Variants in ATXN7 observed in about 807,000 individuals in gnomAD.
ATXN7 encodes the protein ataxin-7.
In ATXN7, 12 loss-of-function variants were observed where a neutral mutation model predicts 70.5. The observed-to-expected ratio is 0.17, with a 90% CI of 0.11 to 0.28. ATXN7 has a LOEUF of 0.28. Among genes scored for constraint, ATXN7 ranks in the 10% least tolerant of loss-of-function variants. The pLI is 1.00. For synonymous variants in ATXN7, 498 were observed against 448.7 expected (o/e 1.11, Z -1.39); for missense variants, 1,256 against 1,131.7 (o/e 1.11, Z -1.58).
At chr3:63,924,270 T>G (rs1274022259) in intron 4 of ATXN7, among the ~76,000 whole-genome samples, 2 of 152,212 alleles carry the variant, frequency 1.3e-5, no homozygotes, top group Non-Finnish European at 2.9e-5. Flanking sequence ...GCTCTGATTT[T>G]GGCCACACTG....
chr3:63,922,582 T>C (rs1365265349), intron 4 of ATXN7, among the ~76,000 whole-genome samples: 2 of 152,156 alleles, frequency 1.3e-5, no homozygotes, highest in Non-Finnish European at 2.9e-5. Flanking sequence ...AGGTAAATTA[T>C]AGGCAATGTA....
chr3:63,960,439 G>T (rs2075109590), intron 5 of ATXN7, among the ~76,000 whole-genome samples: 1 of 152,182 alleles, frequency 6.6e-6, no homozygotes, highest in Non-Finnish European at 1.5e-5. Context: ...TTGCTGTATG[G>T]AACACGGGGC....
intron 4 of ATXN7, among the ~76,000 whole-genome samples, chr3:63,949,492 A>G (rs965535966): frequency 4.6e-5 from 7 of 152,040 alleles, no homozygotes; most frequent in African/African-American, 1.7e-4. Flanking sequence ...TCCACCTCCC[A>G]GGTTCAAGTG....
chr3:63,942,293 T>G (rs1575928884), intron 4 of ATXN7, among the ~76,000 whole-genome samples: 1 of 152,226 alleles, frequency 6.6e-6, no homozygotes, highest in South Asian at 2.1e-4. Flanking sequence ...CTCTGCTTAC[T>G]GACTTTGTGA....
intron 5 of ATXN7, among the ~76,000 whole-genome samples, chr3:63,979,676 T>G (rs1247470868): frequency 6.6e-6 from 1 of 152,156 alleles, no homozygotes; most frequent in East Asian, 1.9e-4. Flanking sequence ...TCCTGATGGG[T>G]GTATGTGATA....
rs115813956 is a variant in ATXN7 at position 63,929,108 on chromosome 3, A to C, written c.394+15883A>C. On this transcript the variant is annotated intron_variant, in intron 4 of 12. Transcript: ENST00000674280. ...TGGTTAGTTGAGACAGGTGAAAACA[A>C]TTCAGAAATTAAACATAAAAGGGAA... Among the ~76,000 whole-genome samples, 877 of 152,302 alleles carry C rather than the reference A, an allele frequency of 5.8e-3. 12 individuals carry two copies. The highest frequency in any genetic ancestry group is 0.019 in the African/African-American group (810 of 41,560).
chr3:63,914,871 G>T (rs760097422), intron 4 of ATXN7, among the ~76,000 whole-genome samples: 104 of 152,148 alleles, frequency 6.8e-4, no homozygotes, highest in Non-Finnish European at 8.8e-4. Context: ...GAACTAAGAC[G>T]TTAAACTACC....
chr3:63,878,104 A>T (rs758572162), intron 1 of ATXN7, among the ~76,000 whole-genome samples: 2 of 152,132 alleles, frequency 1.3e-5, no homozygotes, highest in Non-Finnish European at 2.9e-5. Flanking sequence ...GTAATAGGAG[A>T]TGGTTGGTTC....
rs1559629458 is a variant in ATXN7, at chr3:63,912,928, G to A, written c.325+5G>A. On this transcript the variant is annotated splice_donor_5th_base_variant and intron_variant, in intron 3 of 12. Coordinates refer to ENST00000674280, the MANE Select transcript of ATXN7 (RefSeq NM_001377405.1). ...CCAAACTTCCTGGGAAGGACGGTGA[G>A]TGTCCACGCCCTCCTCCCCCCTTCA... 1 of 1,609,426 alleles carries A rather than the reference G, an allele frequency of 6.2e-7. No individual in the cohort carries two copies. The highest frequency in any genetic ancestry group is 8.5e-7 in the Non-Finnish European group (1 of 1,177,488).
chr3:63,996,526 C>T, intron 12 of ATXN7, 43 bp downstream of exon 12: 1 of 1,578,378 alleles, frequency 6.3e-7, no homozygotes, highest in Non-Finnish European at 8.6e-7. Context: ...CCCATTTCTT[C>T]TCCCTTAAGA....
At chr3:63,972,564 A>T (rs576277727) in intron 5 of ATXN7, among the ~76,000 whole-genome samples, 1 of 152,304 alleles carries the variant, frequency 6.6e-6, no homozygotes, top group East Asian at 1.9e-4. Context: ...TGTAAACTGA[A>T]TTTGAGACTT....
At chr3:63,881,734 C>T (rs775291634) in intron 1 of ATXN7, among the ~76,000 whole-genome samples, 5 of 152,130 alleles carry the variant, frequency 3.3e-5, no homozygotes, top group East Asian at 3.9e-4. Context: ...GTGATTTGCC[C>T]GCCTTGGCGT....
intron 5 of ATXN7, among the ~76,000 whole-genome samples, chr3:63,954,682 T>C (rs937411331): frequency 5.9e-5 from 9 of 151,644 alleles, no homozygotes; most frequent in African/African-American, 2.2e-4. Flanking sequence ...AATATCAGTG[T>C]ACGGGTAGGA....
chr3:63,879,657 A>G lies in ATXN7; in HGVS notation c.-111+15499A>G, dbSNP rs377540336. Among the ~76,000 whole-genome samples, 125 of 151,926 alleles carry G rather than the reference A, an allele frequency of 8.2e-4. 1 individual carries two copies. In the East Asian group the frequency reaches 0.013, roughly 16 times the overall value. ...CAGGCGTGTGCCACCATACCCAGCT[A>G]ATGTTTGTATTTTTAGTAGAGACGG... On this transcript the variant is annotated intron_variant, in intron 1 of 12. Transcript: ENST00000674280.
intron 4 of ATXN7, among the ~76,000 whole-genome samples, chr3:63,929,119 A>G (rs1247150458): frequency 6.6e-6 from 1 of 152,226 alleles, no homozygotes; most frequent in African/African-American, 2.4e-5. Flanking sequence ...TTCAGAAATT[A>G]AACATAAAAG....
chr3:63,991,304 T>C (rs996133002), intron 11 of ATXN7, among the ~76,000 whole-genome samples: 3 of 122,224 alleles, frequency 2.5e-5, no homozygotes, highest in African/African-American at 6.2e-5. Flanking sequence ...CCCTGGTTTT[T>C]TTTTTGTTTT....
chr3:63,945,730 A>G (rs1260998002), intron 4 of ATXN7, among the ~76,000 whole-genome samples: 1 of 152,234 alleles, frequency 6.6e-6, no homozygotes, highest in Non-Finnish European at 1.5e-5. Flanking sequence ...TAAGGCTTGC[A>G]CAGCTGGATG....
At chr3:63,955,576 C>A (rs923341783) in intron 5 of ATXN7, among the ~76,000 whole-genome samples, 1 of 152,128 alleles carries the variant, frequency 6.6e-6, no homozygotes, top group Non-Finnish European at 1.5e-5. Context: ...GGGGTTGTGA[C>A]AGGAAAGATT....
upstream of ATXN7, chr3:63,863,535 G>A (rs953233586): frequency 5.9e-6 from 7 of 1,194,052 alleles, no homozygotes; most frequent in South Asian, 4.3e-5. Context: ...CGGGAGAGCG[G>A]ACGGGGAAAG....
Sources: allele counts gnomAD v4.1 joint callset (sites outside exome capture counted in the v4.1 genomes callset), GRCh38; gene constraint gnomAD v4.1.1; transcripts MANE v1.5; gene names NCBI Gene and HGNC (gene_info 2026-07-23, HGNC 2026-07-21).